Variants in CTTN observed in about 807,000 individuals in gnomAD.
CTTN encodes cortactin.
In CTTN, 28 loss-of-function variants were observed where a neutral mutation model predicts 84.0. The ratio of observed to expected loss-of-function variants is 0.33; its 90% confidence interval spans 0.25 to 0.46. CTTN has a LOEUF of 0.46. Ranked by LOEUF, CTTN falls within the 20% of genes least tolerant of loss-of-function variation. The pLI, the probability that CTTN is intolerant of heterozygous loss-of-function variation, is 1.00. For synonymous variants in CTTN, 301 were observed against 288.8 expected (o/e 1.04, Z -0.43); for missense variants, 641 against 723.8 (o/e 0.89, Z 1.31).
In CTTN at chr11:70,436,042, A is replaced by G; in HGVS notation, c.*880A>G. 2.8e-6 allele frequency: 4 copies of G among 1,423,912 alleles called. No individual in the cohort carries two copies. The African/African-American group carries it at 5.7e-5, about 20-fold the overall frequency. 88.2% of individuals were successfully genotyped at this position (1,423,912 alleles called of 1,614,324 possible). On this transcript the variant is annotated 3_prime_UTR_variant, in exon 18 of 18. Transcript: ENST00000301843. Reference sequence around the variant, plus strand: ...CCTGGGGCGGTGTGTGTGCCATGTCACAGCATGGCCTCTCGGCCTTGGGAA... The same window carrying G: ...CCTGGGGCGGTGTGTGTGCCATGTCGCAGCATGGCCTCTCGGCCTTGGGAA...
chr11:70,420,244 C>G, intron 9 of CTTN, 156 bp from the exon 10 acceptor site: 1 of 639,270 alleles, frequency 1.6e-6, no homozygotes, highest in South Asian at 1.9e-5. Flanking sequence ...CAAGGAGGGC[C>G]TCTTCATGGA....
chr11:70,411,593 G>A (rs933867433), intron 5 of CTTN, among the ~76,000 whole-genome samples: 1 of 152,232 alleles, frequency 6.6e-6, no homozygotes, highest in Non-Finnish European at 1.5e-5. Context: ...TCCCTGCTGT[G>A]GGTTGGGAAA....
chr11:70,435,686 A>T lies in CTTN; in HGVS notation c.*524A>T, dbSNP rs1415777655. 1 of 1,597,704 alleles carries T rather than the reference A, an allele frequency of 6.3e-7. No homozygotes were observed. Among genetic ancestry groups the T allele is most frequent in the South Asian group, 1.1e-5 (1 of 90,814 alleles). Reference sequence around the variant, plus strand: ...GGAGCTAAGTCACCCAGAGCACAGGAGCTGCCATGTCAGATGGGAAATCTG... The same window carrying T: ...GGAGCTAAGTCACCCAGAGCACAGGTGCTGCCATGTCAGATGGGAAATCTG... On this transcript the variant is annotated 3_prime_UTR_variant, in exon 18 of 18. Transcript: ENST00000301843.
intron 8 of CTTN, among the ~76,000 whole-genome samples, chr11:70,418,289 G>T (rs558728669): frequency 2.6e-5 from 4 of 152,244 alleles, no homozygotes; most frequent in East Asian, 1.9e-4. Context: ...CTTGCCTGCC[G>T]CACAGAGCTG....
At chr11:70,403,150 G>A (rs1261485016) in intron 1 of CTTN, among the ~76,000 whole-genome samples, 1 of 150,974 alleles carries the variant, frequency 6.6e-6, no homozygotes, top group East Asian at 1.9e-4. Context: ...TTTTTAAATG[G>A]GGTTATTCGT....
rs1239686174 is a variant in CTTN, at chr11:70,414,653, G to C, written c.402+1G>C. The C allele has an allele frequency of 6.2e-7, 1 of 1,610,390 alleles. No homozygotes were observed. Among genetic ancestry groups the C allele is most frequent in the African/African-American group, 1.3e-5 (1 of 74,868 alleles). On this transcript the variant is annotated splice_donor_variant, in intron 6 of 17. Transcript: ENST00000301843. LOFTEE classifies it high-confidence loss of function. ...TGTCCAGATGGACAGAGTTGATCAG[G>C]TGAGTGATGTGGCACTGGGACTGGG...
intron 6 of CTTN, 42 bp from the exon 7 acceptor site, chr11:70,415,621 A>G (rs1373196781): frequency 2.6e-6 from 4 of 1,532,138 alleles, no homozygotes; most frequent in Non-Finnish European, 2.7e-6. Flanking sequence ...GACATTGGAA[A>G]GTATTTCTCC....
At chr11:70,406,980 A>G (rs780049640) in intron 2 of CTTN, among the ~76,000 whole-genome samples, 3 of 152,220 alleles carry the variant, frequency 2.0e-5, no homozygotes, top group African/African-American at 7.2e-5. Flanking sequence ...CAGAACAGGA[A>G]TATGTTCTTA....
At position 70,435,132 on chromosome 11, in the gene CTTN, C is replaced by T. The variant is rs1385626869; in HGVS notation, c.1623C>T (p.Phe541=). The T allele has an allele frequency of 1.9e-6, 3 of 1,612,984 alleles. No homozygotes were observed. The highest frequency in any genetic ancestry group is 1.6e-4 in the Middle Eastern group (1 of 6,076). The part of the protein sequence containing the change: ...RGVCKGRYGL[F]PANYVELRQ ...TGTGCAAGGGCCGGTACGGGCTCTT[C>T]CCAGCCAACTATGTGGAGCTGCGGC... Residue 541 remains phenylalanine (F), a synonymous_variant, in exon 18 of 18, where the codon TTC becomes TTT. Coordinates refer to ENST00000301843, the MANE Select transcript of CTTN (RefSeq NM_005231.4).
At chr11:70,421,121 G>A (rs537306951) in intron 10 of CTTN, among the ~76,000 whole-genome samples, 51 of 152,332 alleles carry the variant, frequency 3.3e-4, no homozygotes, top group African/African-American at 1.1e-3. Context: ...CGAATCTGCA[G>A]GGTCTCTCCT....
chr11:70,399,207 G>A (rs1026498775), intron 1 of CTTN, among the ~76,000 whole-genome samples: 1 of 151,130 alleles, frequency 6.6e-6, no homozygotes, highest in African/African-American at 2.4e-5. Flanking sequence ...AAGGGATGAG[G>A]TCCGAGGGGA....
chr11:70,400,196 C>T (rs538727337), intron 1 of CTTN, among the ~76,000 whole-genome samples: 2 of 152,224 alleles, frequency 1.3e-5, no homozygotes, highest in East Asian at 1.9e-4. Flanking sequence ...GGCAGGGGTG[C>T]GGTGGCTCAC....
chr11:70,415,804 CG>C, intron 7 of CTTN, 87 bp downstream of exon 7: 2 of 1,364,582 alleles, frequency 1.5e-6, no homozygotes, highest in Non-Finnish European at 2.1e-6. Flanking sequence ...CCCCGCGCTC[CG>C]GGGGCCCTGA....
chr11:70,421,248 G>T (rs1231197036), intron 10 of CTTN, among the ~76,000 whole-genome samples: 1 of 152,200 alleles, frequency 6.6e-6, no homozygotes, highest in South Asian at 2.1e-4. Flanking sequence ...GGCTGTTCCA[G>T]ATCTTCGCTG....
intron 11 of CTTN, chr11:70,422,267 T>A (rs2058245721): frequency 2.9e-6 from 1 of 348,878 alleles, no homozygotes; most frequent in Non-Finnish European, 5.7e-6. Context: ...AAACAGTAAT[T>A]CCCTAACCTT....
chr11:70,407,785 G>A (rs1368644309), intron 4 of CTTN, 194 bp downstream of exon 4: 17 of 568,856 alleles, frequency 3.0e-5, no homozygotes, highest in Non-Finnish European at 5.3e-5. Context: ...GTGTTTATAT[G>A]TGTATATTTA....
intron 11 of CTTN, chr11:70,421,917 T>C (rs1052687924): frequency 3.5e-6 from 1 of 289,692 alleles, no homozygotes; most frequent in Middle Eastern, 1.1e-3. Flanking sequence ...TCTGCTGTTA[T>C]TGGTGACTGC....
At chr11:70,403,283 G>A (rs1351835753) in intron 1 of CTTN, among the ~76,000 whole-genome samples, 1 of 127,076 alleles carries the variant, frequency 7.9e-6, no homozygotes, top group Non-Finnish European at 1.6e-5. Flanking sequence ...CTGTCTCCCG[G>A]GTTCAAGCAG....
rs116399359 is a variant in CTTN, at chr11:70,436,227, C to T, written c.*1065C>T. ...TGAGTGTGTGTTCTTCCCCAAGGTC[C>T]CCCCACAGCTCCAGGACACCGCTGT... On this transcript the variant is annotated 3_prime_UTR_variant, in exon 18 of 18. Transcript: ENST00000301843. The T allele has an allele frequency of 7.7e-4, 1,220 of 1,580,744 alleles. 8 individuals carry two copies. The African/African-American group carries it at 0.014, about 18-fold the overall frequency.
Sources: allele counts gnomAD v4.1 joint callset (sites outside exome capture counted in the v4.1 genomes callset), GRCh38; gene constraint gnomAD v4.1.1; transcripts MANE v1.5; gene names NCBI Gene and HGNC (gene_info 2026-07-23, HGNC 2026-07-21).